TRANK1: variants seen among roughly 807,000 people sequenced by gnomAD.
The protein encoded by TRANK1 is TPR and ankyrin repeat-containing protein 1.
Under a neutral mutation model 266.0 loss-of-function variants are expected in TRANK1, and 198 were observed. The ratio of observed to expected loss-of-function variants is 0.74; its 90% CI spans 0.66 to 0.84. The LOEUF (loss-of-function observed/expected upper bound fraction) is 0.84, where lower values mean the gene tolerates loss of function less well. TRANK1 is among the 40% of genes least tolerant of loss of function. The pLI is 0.00. For missense variants in TRANK1, 3,326 were observed against 3,634.6 expected, an observed-to-expected ratio of 0.92 and a Z score of 2.18; for synonymous variants, 1,396 against 1,384.1, an observed-to-expected ratio of 1.01 and a Z score of -0.19.
At chr3:36,869,160 A>G (rs1200174018) in intron 9 of TRANK1, among the ~76,000 whole-genome samples, 2 of 152,232 alleles carry the variant, frequency 1.3e-5, no homozygotes, top group Non-Finnish European at 2.9e-5. Context: ...GCTAGTGAGA[A>G]ATACAGAATC....
At chr3:36,923,325 G>A (rs192918185) in intron 1 of TRANK1, among the ~76,000 whole-genome samples, 6 of 146,336 alleles carry the variant, frequency 4.1e-5, no homozygotes, top group African/African-American at 7.6e-5. Context: ...ATACAATCTC[G>A]GCTCACTGCA....
At chr3:36,879,921 TAAACATGC>T (rs879622901) in intron 8 of TRANK1, among the ~76,000 whole-genome samples, 13,496 of 61,240 alleles carry the variant, frequency 0.22, 5,046 homozygotes, top group Middle Eastern at 0.44. Flanking sequence ...CAAATATATG[TAAACATGC>T]AAATATATGT....
intron 1 of TRANK1, among the ~76,000 whole-genome samples, chr3:36,925,877 C>G (rs1366332023): frequency 6.6e-6 from 1 of 152,160 alleles, no homozygotes; most frequent in Admixed American, 6.5e-5. Flanking sequence ...AGCCACTGTG[C>G]CCGGCCGTTG....
chr3:36,900,895 A>G (rs368730591), intron 3 of TRANK1, among the ~76,000 whole-genome samples: 3 of 144,326 alleles, frequency 2.1e-5, no homozygotes, highest in Non-Finnish European at 4.6e-5. Context: ...GTGTTCACCA[A>G]CTGGGTTCAT....
chr3:36,889,790 C>A, intron 8 of TRANK1, 39 bp downstream of exon 8: 2 of 1,500,846 alleles, frequency 1.3e-6, no homozygotes, highest in South Asian at 1.3e-5. Flanking sequence ...CTGACACCAG[C>A]CAGCCACAGC....
intron 1 of TRANK1, among the ~76,000 whole-genome samples, chr3:36,910,046 CAA>C (rs1262562736): frequency 1.3e-5 from 2 of 152,146 alleles, no homozygotes; most frequent in African/African-American, 4.8e-5. Flanking sequence ...CAATAACTGA[CAA>C]AGAGTTCATA....
intron 15 of TRANK1, among the ~76,000 whole-genome samples, chr3:36,848,128 A>T (rs1377944912): frequency 6.6e-6 from 1 of 152,204 alleles, no homozygotes; most frequent in Non-Finnish European, 1.5e-5. Context: ...GCAACTACTC[A>T]ATTCTGTCAT....
chr3:36,908,095 C>T (rs1036688392), intron 2 of TRANK1, among the ~76,000 whole-genome samples: 3 of 152,196 alleles, frequency 2.0e-5, no homozygotes, highest in East Asian at 1.9e-4. Flanking sequence ...CCAGCCAGAA[C>T]GGGAAGTTTT....
At chr3:36,858,675 C>A in intron 12 of TRANK1, 43 bp downstream of exon 12, 1 of 1,447,654 alleles carries the variant, frequency 6.9e-7, no homozygotes, top group Non-Finnish European at 9.1e-7. Context: ...TAATATCCAG[C>A]TTCCTCCTCA....
In TRANK1 at chr3:36,830,858, T is replaced by G. The variant is rs1363498227; in HGVS notation, c.8710+15A>C. ...GTCTCACTCTGCCTGGGCCCCCATC[T>G]CTGCAGACCCTTACCGCCAGCCCAG... is the stretch of plus-strand genomic sequence containing the variant. On this transcript the variant is annotated intron_variant, in intron 22 of 23. Transcript: ENST00000645898. 6.4e-7 allele frequency: 1 copy of G among 1,568,520 alleles called. No homozygotes were observed. The highest frequency in any genetic ancestry group is 8.7e-7 in the Non-Finnish European group (1 of 1,154,942).
intron 1 of TRANK1, chr3:36,908,698 A>G (rs941742298): frequency 6.5e-6 from 6 of 924,654 alleles, no homozygotes; most frequent in African/African-American, 1.8e-5. Context: ...ATTCAGCATT[A>G]ATGATCTGGA....
chr3:36,830,782 T>A (rs2078681834), intron 22 of TRANK1, 91 bp downstream of exon 22: 1 of 1,394,590 alleles, frequency 7.2e-7, no homozygotes, highest in Non-Finnish European at 9.5e-7. Flanking sequence ...CATCCCCAAG[T>A]CAGAAGCCAC....
At chr3:36,909,819 G>A (rs1447940170) in intron 1 of TRANK1, among the ~76,000 whole-genome samples, 7 of 152,148 alleles carry the variant, frequency 4.6e-5, no homozygotes, top group African/African-American at 1.4e-4. Flanking sequence ...TGACTCTTAA[G>A]TCAGAATACT....
intron 3 of TRANK1, among the ~76,000 whole-genome samples, chr3:36,902,262 G>A (rs1305414040): frequency 2.0e-5 from 3 of 152,218 alleles, no homozygotes; most frequent in Non-Finnish European, 4.4e-5. Flanking sequence ...TTAAGAGTCA[G>A]TGTCTACTTA....
Position 36,944,986 on chromosome 3 carries a change from C to T in TRANK1, c.-177G>A, listed in dbSNP as rs557093069. 5.6e-6 allele frequency: 3 copies of T among 539,780 alleles called. No individual in the cohort carries two copies. The highest frequency in any genetic ancestry group is 4.4e-5 in the Admixed American group (1 of 22,708). The allele number at this position is 539,780 out of a possible 1,614,324, so 33.4% of individuals were successfully genotyped here. A position where few individuals can be genotyped will look rare whatever the true frequency, so the allele number is the denominator to read the frequency against. ...GCTGCCTGCGGCTCGGCTACCCAGCCGCGATCAGAGGGGGCGGGGGACGCA... is the reference window on the plus strand; with the variant it reads ...GCTGCCTGCGGCTCGGCTACCCAGCTGCGATCAGAGGGGGCGGGGGACGCA... On this transcript the variant is annotated 5_prime_UTR_variant, in exon 1 of 24. Coordinates refer to ENST00000645898, the MANE Select transcript of TRANK1 (RefSeq NM_001329998.2).
At chr3:36,900,461 A>G (rs1040145133) in intron 3 of TRANK1, among the ~76,000 whole-genome samples, 2 of 152,140 alleles carry the variant, frequency 1.3e-5, no homozygotes, top group Non-Finnish European at 2.9e-5. Context: ...ATAGAAGAAA[A>G]TGGTCTAGTT....
At chr3:36,839,408 C>T (rs1203838101) in intron 18 of TRANK1, among the ~76,000 whole-genome samples, 1 of 152,182 alleles carries the variant, frequency 6.6e-6, no homozygotes, top group African/African-American at 2.4e-5. Flanking sequence ...AGCATGTACA[C>T]ATTAGGTCTC....
chr3:36,868,821 T>C (rs1005010509), intron 9 of TRANK1, among the ~76,000 whole-genome samples: 2 of 152,218 alleles, frequency 1.3e-5, no homozygotes, highest in African/African-American at 4.8e-5. Flanking sequence ...AAACAGGCAC[T>C]GTCCTGGTGC....
chr3:36,896,077 T>C (rs1224811526), intron 4 of TRANK1, among the ~76,000 whole-genome samples: 1 of 152,196 alleles, frequency 6.6e-6, no homozygotes, highest in Non-Finnish European at 1.5e-5. Flanking sequence ...TTATCTCCAC[T>C]TATAGAGGAG....
Sources: gnomAD v4.1 joint callset for allele counts (sites outside exome capture counted in the v4.1 genomes callset) on GRCh38, gnomAD v4.1.1 for gene constraint, MANE v1.5 for transcripts, NCBI Gene and HGNC (gene_info 2026-07-23, HGNC 2026-07-21) for gene names.